The following TRIM37 variants were observed in gnomAD, a reference collection of about 807,000 sequenced individuals.
The protein encoded by TRIM37 is tripartite motif containing 37, also known as E3 ubiquitin-protein ligase TRIM37.
A neutral mutation model predicts 129.8 loss-of-function variants in TRIM37; 80 were observed. The ratio of observed to expected loss-of-function variants is 0.62; its 90% confidence interval spans 0.51 to 0.74. The LOEUF is 0.74. Ranked by LOEUF, TRIM37 falls within the 30% of genes least tolerant of loss-of-function variation. The pLI is 0.00. For synonymous variants in TRIM37, 389 were observed against 387.1 expected (o/e 1.00, Z -0.06); for missense variants, 1,054 against 1,176.5 (o/e 0.90, Z 1.52).
At chr17:59,041,941 T>C (rs1179750258) in intron 16 of TRIM37, 43 bp from the exon 17 acceptor site, 8 of 1,463,898 alleles carry the variant, frequency 5.5e-6, no homozygotes, top group Non-Finnish European at 7.7e-6. Context: ...AGTGATACAA[T>C]AAACGTTGTT....
chr17:59,001,700 T>G lies in TRIM37; in HGVS notation c.2710A>C (p.Ser904Arg). Residue 904 changes from serine to arginine, a missense_variant, in exon 23 of 24, where the codon AGT (serine) becomes CGT (arginine). Around this residue, in one of 3 missense-constraint regions of TRIM37, gnomAD observed 287 missense variants for 274.3 expected, o/e 1.05. Transcript: ENST00000262294. Reference sequence around the variant, plus strand: ...TTCTCAGTGTCACATTCAATGTCACTGTCGCTACTCATTCCTGGCAGGAAG... The same window carrying G: ...TTCTCAGTGTCACATTCAATGTCACGGTCGCTACTCATTCCTGGCAGGAAG... ...AAPEEGMSSD[S>R]DIECDTENEE... 4 of 1,614,098 alleles carry G rather than the reference T, an allele frequency of 2.5e-6. No homozygotes were observed. Among genetic ancestry groups the G allele is most frequent in the Non-Finnish European group, 3.4e-6 (4 of 1,179,988 alleles).
At chr17:59,070,408 A>G (rs977751688) in intron 9 of TRIM37, among the ~76,000 whole-genome samples, 3 of 152,078 alleles carry the variant, frequency 2.0e-5, no homozygotes, top group South Asian at 4.1e-4. Flanking sequence ...GTAATCAATT[A>G]TTTTTTTCTA....
At chr17:59,067,145 A>G (rs976303872) in intron 9 of TRIM37, among the ~76,000 whole-genome samples, 2 of 152,164 alleles carry the variant, frequency 1.3e-5, no homozygotes, top group African/African-American at 2.4e-5. Context: ...TGTATATACA[A>G]AGCTATTGCT....
intron 10 of TRIM37, 33 bp downstream of exon 10, chr17:59,064,322 T>A (rs764491877): frequency 6.4e-7 from 1 of 1,552,796 alleles, no homozygotes; most frequent in African/African-American, 1.4e-5. Context: ...TATATACACA[T>A]ACAAAAAAAC....
At chr17:59,000,264 A>C (rs565610087) in intron 23 of TRIM37, among the ~76,000 whole-genome samples, 1 of 152,346 alleles carries the variant, frequency 6.6e-6, no homozygotes, top group East Asian at 1.9e-4. Flanking sequence ...TAACATACAA[A>C]TATATTTAAG....
rs1201101136 is a variant in TRIM37, at chr17:58,983,102, G to GA, written c.2892-182dup. The GA allele has an allele frequency of 1.3e-4, 73 of 560,796 alleles. No homozygotes were observed. The Admixed American group carries it at 2.2e-3, about 17-fold the overall frequency. 34.7% of individuals were successfully genotyped at this position (560,796 alleles called of 1,614,324 possible). A position where few individuals can be genotyped will look rare whatever the true frequency, so the allele number is the denominator to read the frequency against. ...ACACATGCTAGGCTTTCTCAGTGGG[G>GA]AAAAAAATGGCTGGATAGAACTGGG... On this transcript the variant is annotated intron_variant, in intron 24 of 24. Transcript: ENST00000393066.
rs1454379163 is a variant in TRIM37 at position 59,070,967 on chromosome 17, A to G, written c.685-20T>C. 16 of 1,612,976 alleles carry G rather than the reference A, an allele frequency of 9.9e-6. No individual in the cohort carries two copies. In the East Asian group the frequency reaches 3.3e-4, roughly 34 times the overall value. On this transcript the variant is annotated intron_variant, in intron 8 of 23. Coordinates refer to ENST00000262294, the MANE Select transcript of TRIM37 (RefSeq NM_015294.6). ...CCGCAACTGTGTGAGGAAAAAAATT[A>G]TCTGAACAAACAAAATTACTATTCA...
chr17:59,086,433 T>C (rs2043759758), intron 4 of TRIM37, among the ~76,000 whole-genome samples: 1 of 152,050 alleles, frequency 6.6e-6, no homozygotes, highest in Non-Finnish European at 1.5e-5. Context: ...CAGACAGGGT[T>C]TCACCATGTT....
intron 18 of TRIM37, among the ~76,000 whole-genome samples, chr17:59,029,985 GATATTC>G (rs2037661512): frequency 1.4e-5 from 2 of 141,256 alleles, no homozygotes; most frequent in Admixed American, 1.4e-4. Context: ...AGTAAAAACA[GATATTC>G]ATCAGGATTA....
the TRIM37 span, among the ~76,000 whole-genome samples, chr17:58,971,675 C>T: frequency 6.6e-6 from 1 of 152,144 alleles, no homozygotes; most frequent in Non-Finnish European, 1.5e-5. Context: ...TTTTATATAT[C>T]ATTTTATACA....
At chr17:58,973,951 CAAAAAAAAAAAAAA>C in the TRIM37 span, among the ~76,000 whole-genome samples, 16 of 55,468 alleles carry the variant, frequency 2.9e-4, no homozygotes, top group South Asian at 8.5e-4. Context: ...GACTCCATCT[CAAAAAAAAAAAAAA>C]AAAAAAAAAA....
Position 59,017,315 on chromosome 17 carries a change from G to C in TRIM37, c.2367C>G (p.Asp789Glu), listed in dbSNP as rs143642427. Residue 789 changes from aspartate (D) to glutamate (E), a missense_variant, in exon 20 of 24, where the codon GAC (aspartate) becomes GAG (glutamate). Physicochemically the swap from Asp to Glu is conservative, Grantham distance 45. This residue lies in a region of TRIM37 where 287 missense variants were observed against 274.3 expected (regional missense o/e 1.05). Transcript: ENST00000262294. ...ATTTACCTTCAGACAGAGTCTGACA[G>C]TCTCCCTTTGAACGACTATTTTCTC... The part of the protein sequence containing the change: ...DPGENSRSKG[D>E]CQTLSEGSPG... 649 of 1,614,112 alleles carry C rather than the reference G, an allele frequency of 4.0e-4. No homozygotes were observed. Among genetic ancestry groups the C allele is most frequent in the Admixed American group, 7.7e-4 (46 of 60,012 alleles).
intron 19 of TRIM37, among the ~76,000 whole-genome samples, chr17:59,018,043 T>C (rs1007434576): frequency 6.6e-6 from 1 of 152,154 alleles, no homozygotes; most frequent in East Asian, 1.9e-4. Flanking sequence ...AATTATAAAG[T>C]ATTATTGGAT....
At chr17:59,005,371 C>T (rs549609078) in intron 22 of TRIM37, among the ~76,000 whole-genome samples, 15 of 152,230 alleles carry the variant, frequency 9.9e-5, no homozygotes, top group Admixed American at 1.3e-4. Flanking sequence ...GCAACCTCCA[C>T]CTCCCAGGTT....
Position 59,032,087 on chromosome 17 carries a change from C to T in TRIM37, c.1757G>A (p.Ser586Asn), listed in dbSNP as rs2037908007. ...EDAAAAGPAGSSHGYVGSSSR... is the reference protein window; with the variant it reads ...EDAAAAGPAGNSHGYVGSSSR... The stretch of plus-strand genomic sequence containing the variant: ...ACTGGAACCCACATAACCATGGCTA[C>T]TACCTGCAAAAGAGGCGTAGAAAAT... The change falls in exon 18 of 24, where the codon AGT (serine) becomes AAT (asparagine). Residue 586 changes from serine (S) to asparagine (N), a missense_variant. Around this residue, in one of 3 missense-constraint regions of TRIM37, gnomAD observed 752 missense variants for 870.8 expected, o/e 0.86. Transcript: ENST00000262294. The T allele has an allele frequency of 6.2e-7, 1 of 1,613,688 alleles. No homozygotes were observed. The highest frequency in any genetic ancestry group is 1.3e-5 in the African/African-American group (1 of 75,010).
chr17:59,087,377 G>C (rs1295105841), intron 4 of TRIM37, among the ~76,000 whole-genome samples: 4 of 151,840 alleles, frequency 2.6e-5, no homozygotes, highest in Non-Finnish European at 5.9e-5. Flanking sequence ...TTATAGGCAT[G>C]AGCCACCACA....
At chr17:59,054,190 C>G (rs190347241) in intron 13 of TRIM37, among the ~76,000 whole-genome samples, 1 of 152,332 alleles carries the variant, frequency 6.6e-6, no homozygotes, top group Admixed American at 6.5e-5. Flanking sequence ...CTGTTAAATA[C>G]TCTGAAACTT....
chr17:59,097,596 T>G (rs916185276), intron 2 of TRIM37, among the ~76,000 whole-genome samples: 5 of 149,412 alleles, frequency 3.3e-5, no homozygotes, highest in Non-Finnish European at 5.9e-5. Flanking sequence ...GGAGGCTGAG[T>G]GTGGTGGCTC....
chr17:58,986,123 C>T (rs1056470732), intron 24 of TRIM37, among the ~76,000 whole-genome samples: 1 of 152,172 alleles, frequency 6.6e-6, no homozygotes, highest in Non-Finnish European at 1.5e-5. Flanking sequence ...TTATCAGAAA[C>T]AACTGTCTGT....
Sources: allele counts gnomAD v4.1 joint callset (sites outside exome capture counted in the v4.1 genomes callset), GRCh38; gene constraint gnomAD v4.1.1; regional missense constraint gnomAD v4.1.1; transcripts MANE v1.5; gene names NCBI Gene and HGNC (gene_info 2026-07-23, HGNC 2026-07-21).